The following KCNJ15 variants were observed in gnomAD, a reference collection of about 807,000 sequenced individuals.
The protein encoded by KCNJ15 is ATP-sensitive inward rectifier potassium channel 15.
Under a neutral mutation model 23.0 loss-of-function variants are expected in KCNJ15, and 14 were observed. The ratio of observed to expected loss-of-function variants is 0.61; its 90% CI spans 0.40 to 0.95. The LOEUF is 0.95. Among genes scored for constraint, KCNJ15 ranks in the 40% least tolerant of loss-of-function variants. KCNJ15 has a pLI of 0.00. For missense variants in KCNJ15, 388 were observed against 461.8 expected, an observed-to-expected ratio of 0.84 and a Z score of 1.46; for synonymous variants, 185 against 183.2, an observed-to-expected ratio of 1.01 and a Z score of -0.08.
intron 1 of KCNJ15, among the ~76,000 whole-genome samples, chr21:38,271,168 A>G (rs1192514484): frequency 6.6e-6 from 1 of 152,238 alleles, no homozygotes; most frequent in African/African-American, 2.4e-5. Context: ...TAAGCCCCGA[A>G]TAGAGTCTAG....
At chr21:38,275,305 A>G (rs1295185835) in intron 1 of KCNJ15, among the ~76,000 whole-genome samples, 1 of 152,110 alleles carries the variant, frequency 6.6e-6, no homozygotes, top group East Asian at 1.9e-4. Flanking sequence ...CAAACTTTTC[A>G]GTTTAACCCG....
intron 1 of KCNJ15, among the ~76,000 whole-genome samples, chr21:38,236,033 C>A (rs1266632051): frequency 6.6e-6 from 1 of 151,968 alleles, no homozygotes; most frequent in Non-Finnish European, 1.5e-5. Context: ...TTCCTTTTGC[C>A]CATAGACTTT....
At chr21:38,294,385 C>T (rs2146343735) in intron 1 of KCNJ15, among the ~76,000 whole-genome samples, 1 of 152,232 alleles carries the variant, frequency 6.6e-6, no homozygotes, top group South Asian at 2.1e-4. Context: ...ACTCTTTATG[C>T]CTCATCACCC....
At chr21:38,261,925 C>T (rs748175364) in intron 1 of KCNJ15, among the ~76,000 whole-genome samples, 5 of 152,162 alleles carry the variant, frequency 3.3e-5, no homozygotes, top group Admixed American at 1.3e-4. Flanking sequence ...TTTCTATTAA[C>T]GCTGTTTCCA....
intron 1 of KCNJ15, among the ~76,000 whole-genome samples, chr21:38,230,375 ATTTATATT>A (rs1172093330): frequency 1.3e-5 from 2 of 151,954 alleles, no homozygotes; most frequent in African/African-American, 4.8e-5. Flanking sequence ...AAACTCAGCT[ATTTATATT>A]TTTATTGTTA....
chr21:38,259,176 C>T (rs1980612212), intron 1 of KCNJ15, among the ~76,000 whole-genome samples: 1 of 152,170 alleles, frequency 6.6e-6, no homozygotes, highest in African/African-American at 2.4e-5. Flanking sequence ...ATATCCTTTC[C>T]TGTGCAATCC....
chr21:38,276,700 AC>A (rs1031913247), intron 1 of KCNJ15, among the ~76,000 whole-genome samples: 11 of 152,072 alleles, frequency 7.2e-5, no homozygotes, highest in Admixed American at 1.3e-4. Context: ...TTTTTTTGGT[AC>A]CCCGAACCTA....
At chr21:38,252,617 C>A (rs567309617), upstream of KCNJ15, among the ~76,000 whole-genome samples, 1 of 152,246 alleles carries the variant, frequency 6.6e-6, no homozygotes, top group South Asian at 2.1e-4. Context: ...AATAAAATCT[C>A]GTGCATCTTA....
chr21:38,292,064 C>T (rs991436244), intron 1 of KCNJ15, among the ~76,000 whole-genome samples: 1 of 152,124 alleles, frequency 6.6e-6, no homozygotes, highest in African/African-American at 2.4e-5. Context: ...TCACACTGCA[C>T]CACGAGACTC....
At chr21:38,248,172 A>G (rs1054340482) in intron 1 of KCNJ15, among the ~76,000 whole-genome samples, 1 of 152,226 alleles carries the variant, frequency 6.6e-6, no homozygotes, top group Non-Finnish European at 1.5e-5. Flanking sequence ...TACTTGATTC[A>G]GTGTCAGGTG....
intron 1 of KCNJ15, among the ~76,000 whole-genome samples, chr21:38,283,646 A>G (rs550145393): frequency 1.2e-3 from 177 of 152,358 alleles, no homozygotes; most frequent in Admixed American, 2.2e-3. Flanking sequence ...ATTAAGTCTT[A>G]AAAGTAGACT....
rs1985509340 is a variant in KCNJ15, at chr21:38,299,376, A to G, written c.115A>G (p.Arg39Gly). ...VMSKSGHSNV[R>G]IDKVDGIYLL... ...GTCCAAGAGTGGGCACAGCAACGTG[A>G]GAATTGACAAAGTGGATGGCATATA... Residue 39 changes from arginine to glycine, a missense_variant, in exon 3 of 3, where the codon AGA becomes GGA. Physicochemically the swap from Arg to Gly is moderately radical, Grantham distance 125. Coordinates refer to ENST00000398938, the MANE Select transcript of KCNJ15 (RefSeq NM_170736.3). This position sits in a 1 kb window ranked among gnomAD's most constrained non-coding sequence, Gnocchi z 4.5. The G allele has an allele frequency of 3.7e-6, 6 of 1,614,218 alleles. No individual in the cohort carries two copies. Among genetic ancestry groups the G allele is most frequent in the Non-Finnish European group, 3.4e-6 (4 of 1,180,040 alleles).
chr21:38,277,749 CT>C (rs1467002722), intron 1 of KCNJ15, among the ~76,000 whole-genome samples: 1 of 152,196 alleles, frequency 6.6e-6, no homozygotes, highest in Non-Finnish European at 1.5e-5. Flanking sequence ...CTATAAATCA[CT>C]CTCAAAAAGC....
At chr21:38,285,130 G>A (rs77653599) in intron 1 of KCNJ15, among the ~76,000 whole-genome samples, 2,701 of 152,178 alleles carry the variant, frequency 0.018, 84 homozygotes, top group African/African-American at 0.058. Context: ...TTTGAATTGC[G>A]TTTCTACACA....
chr21:38,268,116 A>G (rs1168160908), intron 1 of KCNJ15, among the ~76,000 whole-genome samples: 1 of 152,246 alleles, frequency 6.6e-6, no homozygotes, highest in Non-Finnish European at 1.5e-5. Flanking sequence ...AAAAGGAAAG[A>G]TAATGCAGTT....
upstream of KCNJ15, among the ~76,000 whole-genome samples, chr21:38,254,674 G>C (rs971132657): frequency 6.6e-6 from 1 of 152,178 alleles, no homozygotes; most frequent in African/African-American, 2.4e-5. Flanking sequence ...AAAGTGAAAA[G>C]AGCTGTTTTG....
intron 1 of KCNJ15, among the ~76,000 whole-genome samples, chr21:38,234,433 T>G (rs7277013): frequency 3.3e-5 from 5 of 152,088 alleles, no homozygotes; most frequent in Non-Finnish European, 7.4e-5. Flanking sequence ...AGCCCTGGGT[T>G]CCTGGCCGAC....
chr21:38,243,313 T>C (rs1190321795), intron 1 of KCNJ15, among the ~76,000 whole-genome samples: 1 of 152,164 alleles, frequency 6.6e-6, no homozygotes, highest in Non-Finnish European at 1.5e-5. Context: ...AAATAACCTG[T>C]TTTGTTTTTT....
At chr21:38,268,419 A>G (rs1981689146) in intron 1 of KCNJ15, among the ~76,000 whole-genome samples, 1 of 84,228 alleles carries the variant, frequency 1.2e-5, no homozygotes, top group South Asian at 3.8e-4. Flanking sequence ...ATTGAAAGTT[A>G]TGTAGGTGGA....
Sources: allele counts gnomAD v4.1 joint callset (sites outside exome capture counted in the v4.1 genomes callset), GRCh38; gene constraint gnomAD v4.1.1; non-coding constraint Gnocchi (gnomAD v3.1); transcripts MANE v1.5; gene names NCBI Gene and HGNC (gene_info 2026-07-23, HGNC 2026-07-21).